The following MYEF2 variants were observed in gnomAD, a reference collection of about 807,000 sequenced individuals.
The protein encoded by MYEF2 is myelin expression factor 2, also known as myelin gene expression factor 2.
A neutral mutation model predicts 75.2 loss-of-function variants in MYEF2; 37 were observed. The observed-to-expected ratio is 0.49, with a 90% CI of 0.38 to 0.65. The LOEUF (loss-of-function observed/expected upper bound fraction) is 0.65. MYEF2 is among the 30% of genes least tolerant of loss of function. The pLI, the probability that MYEF2 is intolerant of heterozygous loss-of-function variation, is 0.00. For missense variants in MYEF2, 634 were observed against 771.4 expected, an observed-to-expected ratio of 0.82 and a Z score of 2.11; for synonymous variants, 195 against 241.6, an observed-to-expected ratio of 0.81 and a Z score of 1.79.
Position 48,141,928 on chromosome 15 carries a change from A to G in MYEF2, c.*980T>C. The stretch of plus-strand genomic sequence containing the variant: ...CTCTAACAACAATTTTTCAAAACGA[A>G]TCAACAACAAAAAAGTATCCAGTGT... On this transcript the variant is annotated 3_prime_UTR_variant, in exon 17 of 17. Transcript: ENST00000324324. 1 of 920,608 alleles carries G rather than the reference A, an allele frequency of 1.1e-6. No individual in the cohort carries two copies. The highest frequency in any genetic ancestry group is 2.4e-4 in the Middle Eastern group (1 of 4,230). 57.0% of individuals were successfully genotyped at this position (920,608 alleles called of 1,614,324 possible).
intron 16 of MYEF2, among the ~76,000 whole-genome samples, chr15:48,143,846 C>T (rs2039176454): frequency 6.6e-6 from 1 of 151,906 alleles, no homozygotes; most frequent in African/African-American, 2.4e-5. Context: ...TACCATTTAT[C>T]AAAATAAAAA....
intron 1 of MYEF2, among the ~76,000 whole-genome samples, chr15:48,171,185 CA>C (rs1302151880): frequency 2.6e-5 from 4 of 152,168 alleles, no homozygotes; most frequent in African/African-American, 9.7e-5. Flanking sequence ...TTTCAATTCC[CA>C]AAGGGCCTGT....
rs924426315 is a variant in MYEF2, at chr15:48,135,909, T to C, written c.*6999A>G. ...GAACTCAGCAGTTGTCTGTAAGGGA[T>C]AGTGACTGTGAGAGTATCCAAGCTA... is the stretch of plus-strand genomic sequence containing the variant. On this transcript the variant is annotated 3_prime_UTR_variant, in exon 17 of 17. Transcript: ENST00000324324. 7.9e-5 allele frequency: 12 copies of C among 152,100 alleles called. No individual in the cohort carries two copies. The highest frequency in any genetic ancestry group is 2.9e-4 in the African/African-American group (12 of 41,440). 9.4% of individuals were successfully genotyped at this position (152,100 alleles called of 1,614,324 possible).
chr15:48,152,139 A>T, intron 11 of MYEF2, 95 bp downstream of exon 11: 1 of 1,325,746 alleles, frequency 7.5e-7, no homozygotes, highest in Non-Finnish European at 1.1e-6. Flanking sequence ...GCCAACAATA[A>T]ACCATGACTT....
chr15:48,170,194 C>T (rs772870413), intron 1 of MYEF2, among the ~76,000 whole-genome samples: 1 of 151,922 alleles, frequency 6.6e-6, no homozygotes, highest in Non-Finnish European at 1.5e-5. Context: ...GGCAAGATCT[C>T]GGCTCACTGC....
chr15:48,144,211 C>T lies in MYEF2; in HGVS notation c.1640-1140G>A, dbSNP rs8037371. Among the ~76,000 whole-genome samples, 102 of 152,088 alleles carry T rather than the reference C, an allele frequency of 6.7e-4. 1 individual carries two copies. The East Asian group carries it at 0.015, about 23-fold the overall frequency. ...GAAAGGTAAAAGCAAGAGGACCTGTCGAAAAACTGCATAAGCCCTTTCCAG... is the reference window on the plus strand; with the variant it reads ...GAAAGGTAAAAGCAAGAGGACCTGTTGAAAAACTGCATAAGCCCTTTCCAG... On this transcript the variant is annotated intron_variant, in intron 16 of 16. Coordinates refer to ENST00000324324, the MANE Select transcript of MYEF2 (RefSeq NM_016132.5).
rs765448780 is a variant in MYEF2, at chr15:48,178,088, A to G, written c.150T>C (p.Asn50=). The change falls in exon 1 of 17, where the codon AAT becomes AAC. Residue 50 remains asparagine (N), a synonymous_variant. Transcript: ENST00000324324. ...KQQPQHSSSS[N]GVKMENDESA... ...GGAAAAGACAATACATTTTAACGCC[A>G]TTGGAGCTGCTGCTGTGCTGCGGCT... is the stretch of plus-strand genomic sequence containing the variant. 5.0e-6 allele frequency: 8 copies of G among 1,599,800 alleles called. No homozygotes were observed. The highest frequency in any genetic ancestry group is 6.0e-6 in the Non-Finnish European group (7 of 1,173,622).
chr15:48,150,875 C>T (rs745924366), intron 14 of MYEF2, among the ~76,000 whole-genome samples: 16 of 152,040 alleles, frequency 1.1e-4, no homozygotes, highest in Non-Finnish European at 1.6e-4. Context: ...GCTGTTAACA[C>T]ATAGTTTAGA....
intron 1 of MYEF2, 110 bp from the exon 2 acceptor site, chr15:48,168,949 T>C (rs3817315): frequency 0.92 from 733,819 of 801,744 alleles, 348,520 homozygotes; most frequent in Non-Finnish European, 1. Flanking sequence ...AACTCTCCAC[T>C]AAGCTAGACC....
At chr15:48,145,522 CA>C (rs2039249556) in intron 16 of MYEF2, among the ~76,000 whole-genome samples, 1 of 151,766 alleles carries the variant, frequency 6.6e-6, no homozygotes, top group Admixed American at 6.6e-5. Flanking sequence ...ATCAGTATCA[CA>C]GAATAATCAA....
At chr15:48,153,984 T>C in intron 9 of MYEF2, 91 bp from the exon 10 acceptor site, 1 of 947,746 alleles carries the variant, frequency 1.1e-6, no homozygotes, top group Non-Finnish European at 1.5e-6. Flanking sequence ...ATACCTGTAG[T>C]AGTATCTGTA....
rs199971915 is a variant in MYEF2, at chr15:48,149,228, C to G, written c.1522G>C (p.Gly508Arg). The change falls in exon 15 of 17, where the codon GGT becomes CGT. Residue 508 changes from glycine to arginine, a missense_variant. Physicochemically the swap from Gly to Arg is moderately radical, Grantham distance 125 (BLOSUM62 -2). Coordinates refer to ENST00000324324, the MANE Select transcript of MYEF2 (RefSeq NM_016132.5). The surrounding 1 kb of genome is among the most constrained non-coding windows in gnomAD (Gnocchi z 4.0). ...TCTCTCATTCCGCTTCCCATTGGAC[C>G]CGATAAAAATCCTCGATCCATATCG... ...SIDMDRGFLSGPMGSGMRERI... is the reference protein window; with the variant it reads ...SIDMDRGFLSRPMGSGMRERI... 30 of 1,613,242 alleles carry G rather than the reference C, an allele frequency of 1.9e-5. No homozygotes were observed. The highest frequency in any genetic ancestry group is 1.6e-4 in the Middle Eastern group (1 of 6,084).
intron 7 of MYEF2, 69 bp downstream of exon 7, chr15:48,158,700 C>G: frequency 6.3e-7 from 1 of 1,577,178 alleles, no homozygotes; most frequent in Admixed American, 1.7e-5. Context: ...CAATTACCCC[C>G]CGCCAAAACA....
intron 8 of MYEF2, 59 bp from the exon 9 acceptor site, chr15:48,158,115 G>A (rs1210561753): frequency 3.1e-6 from 5 of 1,610,806 alleles, no homozygotes; most frequent in Non-Finnish European, 3.4e-6. Flanking sequence ...CTGTAATGTA[G>A]AAGAGAGCCA....
In MYEF2 at chr15:48,134,724, T is replaced by G; in HGVS notation, c.*8184A>C. ...TAGCTCTTGGTCAGATTTATGAAAG[T>G]CTGTGTAAGTTAGAACACAATTTTA... On this transcript the variant is annotated 3_prime_UTR_variant, in exon 17 of 17. Transcript: ENST00000324324. The G allele has an allele frequency of 1.4e-6, 1 of 732,068 alleles. No individual in the cohort carries two copies. The highest frequency in any genetic ancestry group is 2.2e-6 in the Non-Finnish European group (1 of 453,000). The allele number at this position is 732,068 out of a possible 1,614,324, so 45.3% of individuals were successfully genotyped here.
chr15:48,151,323 G>A, intron 13 of MYEF2, 150 bp downstream of exon 13: 3 of 984,768 alleles, frequency 3.0e-6, no homozygotes. Context: ...GAAAAAGAGA[G>A]CTAGCATATT....
At chr15:48,158,981 T>C in intron 6 of MYEF2, 59 bp from the exon 7 acceptor site, 1 of 1,466,080 alleles carries the variant, frequency 6.8e-7, no homozygotes, top group Non-Finnish European at 9.4e-7. Flanking sequence ...CATCTGTAAA[T>C]ACAAAAAATC....
At chr15:48,165,903 T>G in intron 5 of MYEF2, 30 bp downstream of exon 5, 1 of 1,414,252 alleles carries the variant, frequency 7.1e-7, no homozygotes, top group Non-Finnish European at 9.7e-7. Flanking sequence ...TATAGTCAAA[T>G]GTTTAAATTC....
chr15:48,141,936 C>A lies in MYEF2; in HGVS notation c.*972G>T, dbSNP rs1310204810. On this transcript the variant is annotated 3_prime_UTR_variant, in exon 17 of 17. Coordinates refer to ENST00000324324, the MANE Select transcript of MYEF2 (RefSeq NM_016132.5). ...ACAATTTTTCAAAACGAATCAACAA[C>A]AAAAAAGTATCCAGTGTTTCTTTTC... 3.1e-6 allele frequency: 3 copies of A among 977,770 alleles called. No individual in the cohort carries two copies. In the Admixed American group the frequency reaches 7.9e-5, roughly 26 times the overall value. The allele number at this position is 977,770 out of a possible 1,614,324, so 60.6% of individuals were successfully genotyped here.
Sources: allele counts gnomAD v4.1 joint callset (sites outside exome capture counted in the v4.1 genomes callset), GRCh38; gene constraint gnomAD v4.1.1; non-coding constraint Gnocchi (gnomAD v3.1); transcripts MANE v1.5; gene names NCBI Gene and HGNC (gene_info 2026-07-23, HGNC 2026-07-21).